BBS2: variants seen among roughly 807,000 people sequenced by gnomAD.
The protein encoded by BBS2 is Bardet-Biedl syndrome 2.
A neutral mutation model predicts 83.0 loss-of-function variants in BBS2; 62 were observed. The ratio of observed to expected loss-of-function variants is 0.75; its 90% CI spans 0.61 to 0.92. The LOEUF (loss-of-function observed/expected upper bound fraction) is 0.92. Ranked by LOEUF, BBS2 falls within the 40% of genes least tolerant of loss-of-function variation. BBS2 has a pLI of 0.00. For missense variants in BBS2, 784 were observed against 901.0 expected, an observed-to-expected ratio of 0.87 and a Z score of 1.66; for synonymous variants, 303 against 326.1, an observed-to-expected ratio of 0.93 and a Z score of 0.76.
chr16:56,475,527 G>A (rs200387944), intron 17 of BBS2: 63 of 1,613,888 alleles, frequency 3.9e-5, no homozygotes, highest in Non-Finnish European at 2.6e-5. Context: ...AGAATATGGC[G>A]GTTTTACTTC....
chr16:56,514,077 A>G (rs2144191468), intron 2 of BBS2, among the ~76,000 whole-genome samples: 1 of 152,348 alleles, frequency 6.6e-6, no homozygotes, highest in East Asian at 1.9e-4. Context: ...AAGTTGCAGC[A>G]GCCTGTAGGT....
intron 15 of BBS2, among the ~76,000 whole-genome samples, chr16:56,486,748 CTTTTTTT>C (rs1190474419): frequency 2.4e-5 from 2 of 84,216 alleles, no homozygotes; most frequent in African/African-American, 4.7e-5. Flanking sequence ...CAGAAATATT[CTTTTTTT>C]TTTTTTTTTT....
intron 2 of BBS2, 45 bp downstream of exon 2, chr16:56,514,408 A>C: frequency 6.5e-7 from 1 of 1,550,042 alleles, no homozygotes; most frequent in Non-Finnish European, 8.9e-7. Flanking sequence ...AAAAATGGAC[A>C]TTAATGAGTA....
chr16:56,479,257 G>A (rs542426740), intron 17 of BBS2, among the ~76,000 whole-genome samples: 2 of 152,270 alleles, frequency 1.3e-5, no homozygotes, highest in Admixed American at 1.3e-4. Context: ...CAGATTACCT[G>A]AGGTCAGGAG....
At chr16:56,488,876 G>T (rs1160340471) in intron 15 of BBS2, among the ~76,000 whole-genome samples, 1 of 152,174 alleles carries the variant, frequency 6.6e-6, no homozygotes, top group Non-Finnish European at 1.5e-5. Context: ...GAGAGCCTAA[G>T]ATTTTAGGAG....
chr16:56,495,002 CAG>C (rs1423110489), intron 15 of BBS2, among the ~76,000 whole-genome samples: 4 of 148,168 alleles, frequency 2.7e-5, no homozygotes, highest in African/African-American at 9.9e-5. Context: ...TTAATAATAA[CAG>C]ATATAAATTG....
rs35141671 is a variant in BBS2, at chr16:56,519,330, C to CAA, written c.117+414_117+415dup. Among the ~76,000 whole-genome samples, 324 of 55,658 alleles carry CAA rather than the reference C, an allele frequency of 5.8e-3. 6 individuals carry two copies. In the South Asian group the frequency reaches 0.087, roughly 15 times the overall value. The allele number at this position is 55,658 out of a possible 152,430, so 36.5% of individuals were successfully genotyped here. A position where few individuals can be genotyped will look rare whatever the true frequency, so the allele number is the denominator to read the frequency against. ...TGGGCGACAGGGCAAGACTCCGTCT[C>CAA]AAAAAAAAAAAAAAAAAAAGGAAGA... is the stretch of plus-strand genomic sequence containing the variant. On this transcript the variant is annotated intron_variant, in intron 1 of 16. Coordinates refer to ENST00000245157, the MANE Select transcript of BBS2 (RefSeq NM_031885.5).
At chr16:56,511,000 G>T in intron 3 of BBS2, 79 bp from the exon 4 acceptor site, 1 of 1,573,956 alleles carries the variant, frequency 6.4e-7, no homozygotes, top group South Asian at 1.1e-5. Flanking sequence ...TGAAGGAGAG[G>T]ATTACACAAA....
chr16:56,510,877 A>G lies in BBS2; in HGVS notation c.516T>C (p.Asp172=), dbSNP rs1387025266. 6.2e-7 allele frequency: 1 copy of G among 1,614,154 alleles called. No individual in the cohort carries two copies. The highest frequency in any genetic ancestry group is 8.5e-7 in the Non-Finnish European group (1 of 1,180,028). Residue 172 remains aspartate, a synonymous_variant, in exon 4 of 17, where the codon GAT becomes GAC. Transcript: ENST00000245157. ...CACATACCTCTTTCTTTCCATCACCATCAAAGTCACACAAGGCCAAGGAAT... is the reference window on the plus strand; with the variant it reads ...CACATACCTCTTTCTTTCCATCACCGTCAAAGTCACACAAGGCCAAGGAAT... The part of the protein sequence containing the change: ...NVNSLALCDF[D]GDGKKELLVG...
intron 5 of BBS2, among the ~76,000 whole-genome samples, chr16:56,506,882 A>T (rs1311768530): frequency 2.0e-5 from 3 of 152,226 alleles, no homozygotes; most frequent in African/African-American, 7.2e-5. Context: ...GGTACTGAAC[A>T]AAACTTTCCT....
In BBS2 at chr16:56,514,673, A is replaced by C. The variant is rs1308936851; in HGVS notation, c.125T>G (p.Ile42Ser). Reference sequence around the variant, plus strand: ...CTGGTTCCGTGTATGAGGATTATGAATAAAAACCTGAAACAAAAATAACTA... The same window carrying C: ...CTGGTTCCGTGTATGAGGATTATGACTAAAAACCTGAAACAAAAATAACTA... ...AAATQTGKVF[I>S]HNPHTRNQHV... Residue 42 changes from isoleucine to serine, a missense_variant, in exon 2 of 17, where the codon ATT becomes AGT. Transcript: ENST00000245157. 6.2e-7 allele frequency: 1 copy of C among 1,612,244 alleles called. No homozygotes were observed. The highest frequency in any genetic ancestry group is 8.5e-7 in the Non-Finnish European group (1 of 1,178,492).
intron 15 of BBS2, among the ~76,000 whole-genome samples, chr16:56,485,957 T>A (rs537325678): frequency 6.6e-6 from 1 of 152,326 alleles, no homozygotes; most frequent in South Asian, 2.1e-4. Context: ...CTTCCTTGGT[T>A]ACTGGTCAAT....
intron 15 of BBS2, among the ~76,000 whole-genome samples, chr16:56,492,547 G>C (rs181544034): frequency 5.6e-4 from 85 of 152,296 alleles, no homozygotes; most frequent in Admixed American, 7.2e-4. Flanking sequence ...TAAGCAAGAA[G>C]AATCAGCTCT....
At chr16:56,492,215 G>A (rs932378792) in intron 15 of BBS2, among the ~76,000 whole-genome samples, 1 of 151,814 alleles carries the variant, frequency 6.6e-6, no homozygotes, top group African/African-American at 2.4e-5. Context: ...GCACTCCCAC[G>A]TTCATCACCA....
intron 5 of BBS2, among the ~76,000 whole-genome samples, chr16:56,507,654 A>G (rs1964458632): frequency 6.6e-6 from 1 of 152,056 alleles, no homozygotes; most frequent in African/African-American, 2.4e-5. Context: ...CAGAAAGCAC[A>G]TATAAGCACA....
intron 17 of BBS2, chr16:56,476,308 G>A (rs536545290): frequency 2.3e-5 from 25 of 1,099,124 alleles, no homozygotes; most frequent in Non-Finnish European, 3.1e-5. Flanking sequence ...TAGCTTGCCT[G>A]ACAGTGTTCT....
At chr16:56,472,431 G>A (rs1596987134) in intron 17 of BBS2, among the ~76,000 whole-genome samples, 1 of 152,306 alleles carries the variant, frequency 6.6e-6, no homozygotes, top group East Asian at 1.9e-4. Context: ...ATACAAAAGT[G>A]AAAGAGAAAA....
In BBS2 at chr16:56,499,869, G is replaced by C. The variant is rs1161525910; in HGVS notation, c.1436C>G (p.Pro479Arg). 1 of 1,614,162 alleles carries C rather than the reference G, an allele frequency of 6.2e-7. No homozygotes were observed. The highest frequency in any genetic ancestry group is 2.2e-5 in the East Asian group (1 of 44,876). The part of the protein sequence containing the change: ...FHVFESTRQL[P>R]RFSMYALTSL... Reference sequence around the variant, plus strand: ...GGTCAGCGCATACATGGAGAATCGAGGGAGCTGTCTTGTCGATTCAAATAC... The same window carrying C: ...GGTCAGCGCATACATGGAGAATCGACGGAGCTGTCTTGTCGATTCAAATAC... Residue 479 changes from proline (P) to arginine (R), a missense_variant, in exon 12 of 17, where the codon CCT (proline) becomes CGT (arginine). Coordinates refer to ENST00000245157, the MANE Select transcript of BBS2 (RefSeq NM_031885.5).
At chr16:56,519,330 CAA>C (rs35141671) in intron 1 of BBS2, among the ~76,000 whole-genome samples, 1,837 of 55,674 alleles carry the variant, frequency 0.033, 42 homozygotes, top group African/African-American at 0.1. Flanking sequence ...GACTCCGTCT[CAA>C]AAAAAAAAAA....
Sources: gnomAD v4.1 joint callset for allele counts (sites outside exome capture counted in the v4.1 genomes callset) on GRCh38, gnomAD v4.1.1 for gene constraint, MANE v1.5 for transcripts, NCBI Gene and HGNC (gene_info 2026-07-23, HGNC 2026-07-21) for gene names.